MTCL1: variants seen among roughly 807,000 people sequenced by gnomAD.
MTCL1 encodes the protein microtubule crosslinking factor 1.
A neutral mutation model predicts 141.4 loss-of-function variants in MTCL1; 79 were observed. The ratio of observed to expected loss-of-function variants is 0.56; its 90% CI spans 0.47 to 0.67. The LOEUF (loss-of-function observed/expected upper bound fraction) is 0.67. MTCL1 is among the 30% of genes least tolerant of loss of function. The pLI, the probability that MTCL1 is intolerant of heterozygous loss-of-function variation, is 0.00. For missense variants in MTCL1, 2,177 were observed against 2,113.9 expected, an observed-to-expected ratio of 1.03 and a Z score of -0.59; for synonymous variants, 914 against 875.8, an observed-to-expected ratio of 1.04 and a Z score of -0.77.
intron 4 of MTCL1, among the ~76,000 whole-genome samples, chr18:8,774,246 CTT>C (rs1249275676): frequency 8.2e-6 from 1 of 121,788 alleles, no homozygotes; most frequent in Non-Finnish European, 1.7e-5. Context: ...TACACACACT[CTT>C]TTCGAATGTG....
chr18:8,751,681 G>C (rs1036768048), intron 4 of MTCL1, among the ~76,000 whole-genome samples: 1 of 152,224 alleles, frequency 6.6e-6, no homozygotes, highest in African/African-American at 2.4e-5. Flanking sequence ...CGGGGTAGGT[G>C]TGAGGCAGAT....
chr18:8,730,521 C>T (rs1314743903), intron 4 of MTCL1, among the ~76,000 whole-genome samples: 1 of 152,174 alleles, frequency 6.6e-6, no homozygotes, highest in Non-Finnish European at 1.5e-5. Flanking sequence ...TTGACAATGA[C>T]TGTGAGTCAT....
intron 10 of MTCL1, among the ~76,000 whole-genome samples, chr18:8,804,034 T>C (rs1389326291): frequency 1.3e-5 from 2 of 152,178 alleles, no homozygotes; most frequent in African/African-American, 4.8e-5. Context: ...AAATGACTAC[T>C]CCAAAATCTG....
upstream of MTCL1, among the ~76,000 whole-genome samples, chr18:8,716,391 A>G (rs2160912): frequency 0.55 from 84,293 of 151,918 alleles, 24,001 homozygotes; most frequent in African/African-American, 0.66. Context: ...ATGAGTTGCC[A>G]TATCTGTGCC....
exon 10 of MTCL1, chr18:8,798,235 A>G: frequency 1.3e-6 from 2 of 1,589,062 alleles, no homozygotes; most frequent in Non-Finnish European, 8.6e-7. Flanking sequence ...CCGGGTGCAG[A>G]TTGGAGATCA....
intron 4 of MTCL1, among the ~76,000 whole-genome samples, chr18:8,724,508 G>A (rs997393808): frequency 2.0e-5 from 3 of 152,224 alleles, no homozygotes; most frequent in Non-Finnish European, 4.4e-5. Flanking sequence ...AGCTGAAAGT[G>A]TAGGCTGACC....
rs377095014 is a variant in MTCL1 at position 8,785,837 on chromosome 18, T to TC, written c.1732-93dup. 211 of 1,444,266 alleles carry TC rather than the reference T, an allele frequency of 1.5e-4. 4 individuals carry two copies. The East Asian group carries it at 3.8e-3, about 26-fold the overall frequency. 89.5% of individuals were successfully genotyped at this position (1,444,266 alleles called of 1,614,324 possible). On this transcript the variant is annotated intron_variant, in intron 6 of 16. Coordinates refer to ENST00000359865, the Ensembl canonical transcript of MTCL1. ...CCCTTGTCCATTTTTGTTTTCTTTATCCCCCCTCCCTGCCTCCACCCTTGT... is the reference window on the plus strand; with the variant it reads ...CCCTTGTCCATTTTTGTTTTCTTTATCCCCCCCTCCCTGCCTCCACCCTTGT...
At chr18:8,825,234 T>A in exon 15 of MTCL1, 1 of 1,596,134 alleles carries the variant, frequency 6.3e-7, no homozygotes. Context: ...GCCTTGCACC[T>A]CCCCCAGGCA....
At chr18:8,824,279 T>G (rs2076940308) in intron 14 of MTCL1, among the ~76,000 whole-genome samples, 1 of 152,208 alleles carries the variant, frequency 6.6e-6, no homozygotes, top group African/African-American at 2.4e-5. Flanking sequence ...CCACACCAAA[T>G]CTGTGTCCAT....
chr18:8,790,232 G>C (rs1205400376), intron 7 of MTCL1, among the ~76,000 whole-genome samples: 1 of 152,180 alleles, frequency 6.6e-6, no homozygotes, highest in Non-Finnish European at 1.5e-5. Context: ...TATTGTTTCA[G>C]ATAAAAATGG....
chr18:8,761,863 A>T (rs1216244657), intron 4 of MTCL1, among the ~76,000 whole-genome samples: 1 of 152,204 alleles, frequency 6.6e-6, no homozygotes, highest in Non-Finnish European at 1.5e-5. Flanking sequence ...TCCCTCCCAC[A>T]ACATGTGGGA....
At chr18:8,792,908 T>C (rs1470461111) in intron 7 of MTCL1, 90 bp from the exon 7 acceptor site, 2 of 1,543,182 alleles carry the variant, frequency 1.3e-6, no homozygotes, top group Non-Finnish European at 8.8e-7. Flanking sequence ...TCCGTGTGCG[T>C]CCCCAGCTTG....
intron 4 of MTCL1, among the ~76,000 whole-genome samples, chr18:8,739,462 T>A (rs8088924): frequency 0.12 from 18,684 of 152,156 alleles, 2,436 homozygotes; most frequent in African/African-American, 0.33. Context: ...ATATCTGCAG[T>A]GTTTATGAGA....
At chr18:8,798,906 G>A (rs959918647) in intron 10 of MTCL1, among the ~76,000 whole-genome samples, 2 of 152,166 alleles carry the variant, frequency 1.3e-5, no homozygotes, top group African/African-American at 4.8e-5. Context: ...TGGCAGTGAC[G>A]GAGGATTTGG....
intron 5 of MTCL1, among the ~76,000 whole-genome samples, chr18:8,782,900 G>C (rs188773482): frequency 1.3e-5 from 2 of 152,188 alleles, no homozygotes; most frequent in African/African-American, 4.8e-5. Flanking sequence ...GGACATTAGG[G>C]CTGGGGAGAC....
intron 7 of MTCL1, 23 bp from the exon 7 acceptor site, chr18:8,792,975 C>A: frequency 1.2e-6 from 2 of 1,612,388 alleles, no homozygotes; most frequent in Non-Finnish European, 8.5e-7. Context: ...CCACTAAACC[C>A]CTTCCTTTAT....
intron 4 of MTCL1, among the ~76,000 whole-genome samples, chr18:8,772,257 A>G (rs2096487910): frequency 2.6e-5 from 4 of 152,220 alleles, no homozygotes. Context: ...TGCATAGGCT[A>G]TATTCGAAGG....
At chr18:8,789,930 T>G (rs180957862) in intron 7 of MTCL1, among the ~76,000 whole-genome samples, 12 of 152,338 alleles carry the variant, frequency 7.9e-5, no homozygotes, top group Admixed American at 7.8e-4. Flanking sequence ...TTTTGTAACA[T>G]TGGAGTGACG....
chr18:8,733,175 G>A (rs1013431310), intron 4 of MTCL1, among the ~76,000 whole-genome samples: 4 of 152,196 alleles, frequency 2.6e-5, no homozygotes, highest in Non-Finnish European at 2.9e-5. Flanking sequence ...GGCAGCCCTC[G>A]GGACTGTCAG....
Sources: gnomAD v4.1 joint callset for allele counts (sites outside exome capture counted in the v4.1 genomes callset) on GRCh38, gnomAD v4.1.1 for gene constraint, MANE v1.5 for transcripts, NCBI Gene and HGNC (gene_info 2026-07-23, HGNC 2026-07-21) for gene names.